Variants in CAMKMT observed in about 807,000 individuals in gnomAD.
The protein encoded by CAMKMT is calmodulin-lysine N-methyltransferase.
CAMKMT carries 53 observed loss-of-function variants against 48.0 expected under a neutral mutation model. The observed-to-expected ratio is 1.10, with a 90% CI of 0.89 to 1.39. The LOEUF is 1.39. CAMKMT is among the 40% of genes most tolerant of loss of function. The probability of loss-of-function intolerance (pLI) is 0.00; values close to 1 mark genes in which losing one functional copy is unlikely to be tolerated. For missense variants in CAMKMT, 428 were observed against 402.7 expected (o/e 1.06, Z -0.54); for synonymous variants, 165 against 152.3 (o/e 1.08, Z -0.61).
intron 3 of CAMKMT, among the ~76,000 whole-genome samples, chr2:44,693,312 C>T (rs932552607): frequency 2.0e-5 from 3 of 152,240 alleles, no homozygotes; most frequent in Admixed American, 6.5e-5. Flanking sequence ...AAATTCTTAA[C>T]ATGGCCTCTG....
chr2:44,621,853 T>C (rs777354082), intron 3 of CAMKMT, among the ~76,000 whole-genome samples: 2 of 152,166 alleles, frequency 1.3e-5, no homozygotes, highest in Non-Finnish European at 2.9e-5. Context: ...AAGAGTAAAA[T>C]GGGGAAAAGT....
intron 10 of CAMKMT, among the ~76,000 whole-genome samples, chr2:44,770,701 T>C (rs1681068274): frequency 6.6e-6 from 1 of 152,166 alleles, no homozygotes; most frequent in Admixed American, 6.5e-5. Flanking sequence ...ACTGGGAAGT[T>C]GGTGAAGCCA....
At chr2:44,448,764 TG>T (rs1456671030) in intron 3 of CAMKMT, among the ~76,000 whole-genome samples, 2 of 152,176 alleles carry the variant, frequency 1.3e-5, no homozygotes, top group African/African-American at 4.8e-5. Flanking sequence ...TGTAAATCAG[TG>T]AGTGGATAAA....
chr2:44,723,782 T>G (rs1678624259), intron 7 of CAMKMT: 1 of 152,170 alleles, frequency 6.6e-6, no homozygotes, highest in Non-Finnish European at 1.5e-5. Context: ...AGCTCTCATT[T>G]GTCTGGAATT....
At chr2:44,645,200 G>T (rs375771965) in intron 3 of CAMKMT, among the ~76,000 whole-genome samples, 16 of 152,308 alleles carry the variant, frequency 1.1e-4, no homozygotes, top group African/African-American at 3.8e-4. Context: ...AAAAGCAGAA[G>T]GAAACAAGAA....
At chr2:44,674,546 G>C (rs1675558137) in intron 3 of CAMKMT, among the ~76,000 whole-genome samples, 1 of 152,206 alleles carries the variant, frequency 6.6e-6, no homozygotes, top group Non-Finnish European at 1.5e-5. Context: ...CACCTGGAAA[G>C]CTTAACTGCT....
intron 7 of CAMKMT, among the ~76,000 whole-genome samples, chr2:44,716,135 C>A (rs1026066416): frequency 6.6e-6 from 1 of 152,128 alleles, no homozygotes; most frequent in Non-Finnish European, 1.5e-5. Flanking sequence ...TAACCACAGA[C>A]TTTATTAGAA....
rs1445685353 is a variant in CAMKMT, at chr2:44,639,814, C to G, written c.377-64469C>G. On this transcript the variant is annotated intron_variant, in intron 3 of 10. Coordinates refer to ENST00000378494, the MANE Select transcript of CAMKMT (RefSeq NM_024766.5). ...AAGTTGATTTGTTGCTTTGGAAATA[C>G]AAGCTAATTTTATGAATTATATAAG... is the stretch of plus-strand genomic sequence containing the variant. Among the ~76,000 whole-genome samples the G allele has an allele frequency of 2.6e-5, 4 of 152,160 alleles. No individual in the cohort carries two copies. In the East Asian group the frequency reaches 5.8e-4, roughly 22 times the overall value.
intron 3 of CAMKMT, among the ~76,000 whole-genome samples, chr2:44,666,210 C>T (rs1217744532): frequency 6.6e-6 from 1 of 152,146 alleles, no homozygotes; most frequent in African/African-American, 2.4e-5. Flanking sequence ...AATTGTTCGA[C>T]CTGAATAGGC....
intron 3 of CAMKMT, among the ~76,000 whole-genome samples, chr2:44,465,540 G>A (rs1668067046): frequency 6.8e-6 from 1 of 146,750 alleles, no homozygotes; most frequent in Non-Finnish European, 1.5e-5. Flanking sequence ...AGGCTGCAGT[G>A]AGCCAAGTTT....
chr2:44,617,059 G>C (rs1671932529), intron 3 of CAMKMT, among the ~76,000 whole-genome samples: 2 of 152,168 alleles, frequency 1.3e-5, no homozygotes, highest in African/African-American at 4.8e-5. Context: ...TGCCGTGAAT[G>C]TCATGGGATA....
intron 3 of CAMKMT, among the ~76,000 whole-genome samples, chr2:44,650,553 T>C (rs988898219): frequency 1.3e-5 from 2 of 152,230 alleles, no homozygotes. Context: ...AATGAACTTT[T>C]AAAAGCCTTA....
chr2:44,514,214 T>C (rs1388587520), intron 3 of CAMKMT, among the ~76,000 whole-genome samples: 1 of 152,028 alleles, frequency 6.6e-6, no homozygotes, highest in East Asian at 1.9e-4. Flanking sequence ...TCTGAATTAA[T>C]TGTCCGGGGC....
At chr2:44,453,667 T>C (rs1364265586) in intron 3 of CAMKMT, among the ~76,000 whole-genome samples, 2 of 152,092 alleles carry the variant, frequency 1.3e-5, no homozygotes, top group Non-Finnish European at 2.9e-5. Flanking sequence ...ACATTTTTAT[T>C]AAAAGATAAT....
intron 3 of CAMKMT, among the ~76,000 whole-genome samples, chr2:44,475,881 T>A (rs1190056147): frequency 6.6e-6 from 1 of 152,218 alleles, no homozygotes; most frequent in Admixed American, 6.5e-5. Context: ...TGTGACTGCA[T>A]TCTCTGAGAA....
intron 3 of CAMKMT, among the ~76,000 whole-genome samples, chr2:44,435,531 C>G (rs1174951839): frequency 6.6e-6 from 1 of 152,142 alleles, no homozygotes; most frequent in Admixed American, 6.5e-5. Flanking sequence ...TGAAATTATG[C>G]CATGTTTTGC....
intron 3 of CAMKMT, among the ~76,000 whole-genome samples, 156 bp downstream of exon 3, chr2:44,390,461 A>T (rs1681224950): frequency 6.6e-6 from 1 of 151,170 alleles, no homozygotes; most frequent in Admixed American, 6.6e-5. Flanking sequence ...CTGCAAAATA[A>T]GCCTTGTATA....
At chr2:44,555,784 C>T (rs1419490684) in intron 3 of CAMKMT, among the ~76,000 whole-genome samples, 1 of 151,984 alleles carries the variant, frequency 6.6e-6, no homozygotes, top group African/African-American at 2.4e-5. Context: ...TCATAGAAAC[C>T]AAGGGAGGAG....
intron 3 of CAMKMT, among the ~76,000 whole-genome samples, chr2:44,500,509 A>C (rs1411670301): frequency 6.6e-6 from 1 of 152,082 alleles, no homozygotes; most frequent in African/African-American, 2.4e-5. Flanking sequence ...TAGGAAAAAA[A>C]CAAGTTTTTA....
Sources: allele counts gnomAD v4.1 joint callset (sites outside exome capture counted in the v4.1 genomes callset), GRCh38; gene constraint gnomAD v4.1.1; transcripts MANE v1.5; gene names NCBI Gene and HGNC (gene_info 2026-07-23, HGNC 2026-07-21).